MICB: variants seen among roughly 807,000 people sequenced by gnomAD.
The protein encoded by MICB is MHC class I polypeptide-related sequence B.
Under a neutral mutation model 34.3 loss-of-function variants are expected in MICB, and 27 were observed. The ratio of observed to expected loss-of-function variants is 0.79; its 90% CI spans 0.58 to 1.08. MICB has a LOEUF of 1.08. Among genes scored for constraint, MICB ranks in the 50% least tolerant of loss-of-function variants. The pLI, the probability that MICB is intolerant of heterozygous loss-of-function variation, is 0.00. For synonymous variants in MICB, 153 were observed against 187.4 expected, an observed-to-expected ratio of 0.82 and a Z score of 1.50; for missense variants, 426 against 483.1, an observed-to-expected ratio of 0.88 and a Z score of 1.11.
Position 31,509,903 on chromosome 6 carries a change from C to G in MICB, c.1146C>G (p.Gly382=). 3.7e-6 allele frequency: 6 copies of G among 1,607,726 alleles called. No homozygotes were observed. Among genetic ancestry groups the G allele is most frequent in the Non-Finnish European group, 5.1e-6 (6 of 1,176,892 alleles). The change falls in exon 6 of 6, where the codon GGC becomes GGG. Residue 382 remains glycine (G), a synonymous_variant. Coordinates refer to ENST00000252229, the MANE Select transcript of MICB (RefSeq NM_005931.5). ...SATGSTGSTE[G]T ...CTGGGTCCACTGGTTCCACTGAGGG[C>G]ACCTAGACTCTACAGCCAGGCGGCC...
chr6:31,499,939 C>T (rs1239752567), intron 1 of MICB, among the ~76,000 whole-genome samples: 1 of 150,416 alleles, frequency 6.6e-6, no homozygotes, highest in South Asian at 2.1e-4. Context: ...CACCCTCCCC[C>T]AGAGCACCCT....
intron 3 of MICB, 52 bp downstream of exon 3, chr6:31,506,482 C>T (rs772505112): frequency 1.3e-6 from 2 of 1,577,232 alleles, no homozygotes; most frequent in Admixed American, 3.5e-5. Flanking sequence ...GCTAGAGTTG[C>T]CTCGCCTCCC....
intron 5 of MICB, among the ~76,000 whole-genome samples, chr6:31,509,384 C>T (rs897405465): frequency 6.6e-6 from 1 of 152,222 alleles, no homozygotes; most frequent in African/African-American, 2.4e-5. Context: ...AGGGCCTGCC[C>T]TGGTGTGCAG....
chr6:31,505,989 T>G, intron 2 of MICB, 118 bp downstream of exon 2: 1 of 1,478,084 alleles, frequency 6.8e-7, no homozygotes, highest in Non-Finnish European at 9.0e-7. Flanking sequence ...AGGAATAGGG[T>G]CAGGGAGGCT....
In MICB at chr6:31,504,248, C is replaced by CTTT. The variant is rs41283858; in HGVS notation, c.71-1366_71-1364dup. 2.5e-3 allele frequency among the ~76,000 whole-genome samples: 181 copies of CTTT among 71,376 alleles called. 2 individuals are homozygous for CTTT. The highest frequency in any genetic ancestry group is 8.4e-3 in the Admixed American group (46 of 5,506). The allele number at this position is 71,376 out of a possible 152,430, so 46.8% of individuals were successfully genotyped here. On this transcript the variant is annotated intron_variant, in intron 1 of 5. Coordinates refer to ENST00000252229, the MANE Select transcript of MICB (RefSeq NM_005931.5). ...GCATATTCTGGAAACTAATCTCTCT[C>CTTT]TTTTTCTTTTTTTTTTTTTTTTTTT...
chr6:31,504,617 G>C (rs1401824517), intron 1 of MICB, among the ~76,000 whole-genome samples: 1 of 148,176 alleles, frequency 6.7e-6, no homozygotes, highest in African/African-American at 2.5e-5. Context: ...CATTTCAGGG[G>C]TTGATTGCTT....
chr6:31,509,577 A>G (rs1228186200), intron 5 of MICB, among the ~76,000 whole-genome samples: 2 of 152,092 alleles, frequency 1.3e-5, no homozygotes, highest in East Asian at 1.9e-4. Context: ...TGGGCACAGG[A>G]CAGGGGCTGA....
chr6:31,495,536 G>T (rs1764607535), upstream of MICB, among the ~76,000 whole-genome samples: 1 of 152,172 alleles, frequency 6.6e-6, no homozygotes, highest in Non-Finnish European at 1.5e-5. Flanking sequence ...GGAAGACTAA[G>T]AAATTGTTAA....
At chr6:31,497,365 A>G (rs1764721997), upstream of MICB, among the ~76,000 whole-genome samples, 1 of 152,156 alleles carries the variant, frequency 6.6e-6, no homozygotes, top group South Asian at 2.1e-4. Context: ...CAGATGTCCT[A>G]AAACAGGCTG....
rs45627734 is a variant in MICB at position 31,507,107 on chromosome 6, G to A, written c.699G>A (p.Arg233=). Reference sequence around the variant, plus strand: ...GCAGGGCTTCCAGCTTCTATCCCCGGAATATCACACTGACCTGGCGTCAGG... The same window carrying A: ...GCAGGGCTTCCAGCTTCTATCCCCGAAATATCACACTGACCTGGCGTCAGG... The part of the protein sequence containing the change: ...VTCRASSFYP[R]NITLTWRQDG... The change falls in exon 4 of 6, where the codon CGG becomes CGA. Residue 233 remains arginine (R), a synonymous_variant. Coordinates refer to ENST00000252229, the MANE Select transcript of MICB (RefSeq NM_005931.5). The surrounding 1 kb of genome is among the most constrained non-coding windows in gnomAD (Gnocchi z 6.0). 55,140 of 1,613,964 alleles carry A rather than the reference G, an allele frequency of 0.034. 2,084 individuals are homozygous for A. Among genetic ancestry groups the A allele is most frequent in the South Asian group, 0.15 (13,795 of 91,038 alleles).
At chr6:31,499,636 G>C (rs1486508824) in intron 1 of MICB, among the ~76,000 whole-genome samples, 1 of 152,120 alleles carries the variant, frequency 6.6e-6, no homozygotes, top group Non-Finnish European at 1.5e-5. Context: ...GCAGGGCGCA[G>C]GGCAGCGCAG....
At chr6:31,505,179 G>A (rs2507967) in intron 1 of MICB, among the ~76,000 whole-genome samples, 2 of 141,060 alleles carry the variant, frequency 1.4e-5, no homozygotes, top group Admixed American at 6.8e-5. Flanking sequence ...AAGGCAGCTC[G>A]CCTTGCCTCC....
rs9267382 is a variant in MICB at position 31,499,227 on chromosome 6, G to A, written c.70+964G>A. ...CATTCTCCCCTCGCCTCCGGCTCCG[G>A]GGGTCCTCTCCTCTCTCGCATCCCA... is the stretch of plus-strand genomic sequence containing the variant. On this transcript the variant is annotated intron_variant, in intron 1 of 5. Coordinates refer to ENST00000252229, the MANE Select transcript of MICB (RefSeq NM_005931.5). 5.9e-3 allele frequency among the ~76,000 whole-genome samples: 893 copies of A among 152,000 alleles called. 8 individuals carry two copies. The highest frequency in any genetic ancestry group is 7.5e-3 in the Non-Finnish European group (511 of 67,944).
At chr6:31,504,161 C>T (rs577581878) in intron 1 of MICB, among the ~76,000 whole-genome samples, 46 of 151,644 alleles carry the variant, frequency 3.0e-4, no homozygotes, top group African/African-American at 1.0e-3. Context: ...CATAGCTTCT[C>T]ATGGCTATTT....
At chr6:31,505,535 C>A in intron 1 of MICB, 82 bp from the exon 2 acceptor site, 1 of 1,550,906 alleles carries the variant, frequency 6.4e-7, no homozygotes, top group South Asian at 1.2e-5. Flanking sequence ...TCAGGGAGGT[C>A]GGGACAGCAG....
At chr6:31,509,353 AGGGCAGGGCCCACAGT>A (rs1765532120) in intron 5 of MICB, among the ~76,000 whole-genome samples, 1 of 152,128 alleles carries the variant, frequency 6.6e-6, no homozygotes, top group African/African-American at 2.4e-5. Context: ...CTGCAGATAG[AGGGCAGGGCCCACAGT>A]GGGCAGGGCC....
chr6:31,504,462 T>C (rs1765188436), intron 1 of MICB, among the ~76,000 whole-genome samples: 1 of 151,922 alleles, frequency 6.6e-6, no homozygotes, highest in African/African-American at 2.4e-5. Flanking sequence ...GGTTTCACCA[T>C]GTTAGCCAGG....
At chr6:31,509,499 G>T (rs1397117523) in intron 5 of MICB, among the ~76,000 whole-genome samples, 6 of 152,188 alleles carry the variant, frequency 3.9e-5, no homozygotes, top group Non-Finnish European at 5.9e-5. Context: ...TGAGAGGAGG[G>T]CACTGGGTTC....
intron 1 of MICB, among the ~76,000 whole-genome samples, chr6:31,502,834 A>G (rs1452644778): frequency 2.0e-5 from 3 of 152,206 alleles, no homozygotes; most frequent in African/African-American, 7.2e-5. Flanking sequence ...TCTTAAAGAA[A>G]AGGCTTTCAG....
Sources: gnomAD v4.1 joint callset for allele counts (sites outside exome capture counted in the v4.1 genomes callset) on GRCh38, gnomAD v4.1.1 for gene constraint, Gnocchi (gnomAD v3.1) non-coding constraint, MANE v1.5 for transcripts, NCBI Gene and HGNC (gene_info 2026-07-23, HGNC 2026-07-21) for gene names.